The following PTPRD variants were observed in gnomAD, a reference collection of about 807,000 sequenced individuals.
PTPRD encodes protein tyrosine phosphatase receptor type D, also known as receptor-type tyrosine-protein phosphatase delta.
In PTPRD, 34 loss-of-function variants were observed where a neutral mutation model predicts 214.5. That is an observed-to-expected ratio of 0.16 (90% CI 0.12 to 0.21). PTPRD has a LOEUF of 0.21. Ranked by LOEUF, PTPRD falls within the 10% of genes least tolerant of loss-of-function variation. The pLI, the probability that PTPRD is intolerant of heterozygous loss-of-function variation, is 1.00. For missense variants in PTPRD, 2,545 were observed against 2,398.7 expected (o/e 1.06, Z -1.27); for synonymous variants, 1,128 against 845.7 (o/e 1.33, Z -5.79).
At chr9:9,654,120 C>T (rs992430144) in intron 7 of PTPRD, among the ~76,000 whole-genome samples, 6 of 152,068 alleles carry the variant, frequency 3.9e-5, no homozygotes, top group African/African-American at 1.4e-4. Flanking sequence ...CAAAGGAGTA[C>T]ACTTTTATCC....
chr9:9,625,605 C>T (rs552907758), intron 7 of PTPRD, among the ~76,000 whole-genome samples: 50 of 150,126 alleles, frequency 3.3e-4, no homozygotes, highest in Non-Finnish European at 5.3e-4. Flanking sequence ...AAAATAAAAA[C>T]CAAACCAAAT....
chr9:8,424,317 A>G (rs1392262875), intron 35 of PTPRD, among the ~76,000 whole-genome samples: 1 of 152,280 alleles, frequency 6.6e-6, no homozygotes, highest in African/African-American at 2.4e-5. Context: ...TATAGTGGTC[A>G]GAACATTACC....
At chr9:9,082,325 T>A (rs1429113437) in intron 10 of PTPRD, among the ~76,000 whole-genome samples, 1 of 151,992 alleles carries the variant, frequency 6.6e-6, no homozygotes, top group African/African-American at 2.4e-5. Context: ...ATAGACATAA[T>A]CCATCACAAA....
chr9:9,366,169 A>G (rs2057833140), intron 9 of PTPRD, among the ~76,000 whole-genome samples: 1 of 151,472 alleles, frequency 6.6e-6, no homozygotes, highest in Non-Finnish European at 1.5e-5. Flanking sequence ...CAACTGACCA[A>G]TTTTATTAAC....
intron 12 of PTPRD, among the ~76,000 whole-genome samples, chr9:8,641,829 G>C (rs961235884): frequency 2.0e-5 from 3 of 152,180 alleles, no homozygotes; most frequent in Non-Finnish European, 4.4e-5. Context: ...CAGTATCTTT[G>C]AACCTAATGG....
At chr9:10,549,334 C>A (rs1403311723) in intron 2 of PTPRD, among the ~76,000 whole-genome samples, 1 of 152,016 alleles carries the variant, frequency 6.6e-6, no homozygotes, top group Non-Finnish European at 1.5e-5. Context: ...TCTAGAGTTT[C>A]AGGAGTTGAT....
At chr9:10,230,513 A>G (rs2099605815) in intron 3 of PTPRD, among the ~76,000 whole-genome samples, 1 of 151,024 alleles carries the variant, frequency 6.6e-6, no homozygotes, top group Non-Finnish European at 1.5e-5. Context: ...CTATGTATCT[A>G]TCTATCAAGC....
At chr9:9,418,159 G>C (rs1039555382) in intron 8 of PTPRD, among the ~76,000 whole-genome samples, 1 of 152,006 alleles carries the variant, frequency 6.6e-6, no homozygotes, top group African/African-American at 2.4e-5. Flanking sequence ...CTTTAGAACA[G>C]AACAACTTTC....
At position 8,822,474 on chromosome 9, in the gene PTPRD, G is replaced by A. The variant is rs1304205315; in HGVS notation, c.-103-88528C>T. Among the ~76,000 whole-genome samples, 8 of 152,194 alleles carry A rather than the reference G, an allele frequency of 5.3e-5. No homozygotes were observed. The South Asian group carries it at 1.7e-3, about 31-fold the overall frequency. On this transcript the variant is annotated intron_variant, in intron 11 of 45. Coordinates refer to ENST00000381196, the MANE Select transcript of PTPRD (RefSeq NM_002839.4). Reference sequence around the variant, plus strand: ...ACTACAATTTGGAAATTCTCCCAGAGAGAGTAGAACTGTTACATTTATACC... The same window carrying A: ...ACTACAATTTGGAAATTCTCCCAGAAAGAGTAGAACTGTTACATTTATACC...
intron 7 of PTPRD, among the ~76,000 whole-genome samples, chr9:9,676,554 C>A (rs2096934617): frequency 6.6e-6 from 1 of 151,992 alleles, no homozygotes; most frequent in Non-Finnish European, 1.5e-5. Context: ...GGTTCCAAGT[C>A]TTTGTTATTG....
chr9:10,401,324 T>G (rs2098266238), intron 2 of PTPRD, among the ~76,000 whole-genome samples: 1 of 151,484 alleles, frequency 6.6e-6, no homozygotes, highest in South Asian at 2.1e-4. Context: ...CTGAAGTAAT[T>G]TACTTGAAGT....
chr9:9,786,908 G>A (rs1164305268), intron 5 of PTPRD, among the ~76,000 whole-genome samples: 1 of 152,076 alleles, frequency 6.6e-6, no homozygotes, highest in African/African-American at 2.4e-5. Flanking sequence ...ACTTTGGGAG[G>A]CCGAGGCAGG....
chr9:9,807,657 G>A (rs562444363), intron 5 of PTPRD, among the ~76,000 whole-genome samples: 14 of 152,146 alleles, frequency 9.2e-5, no homozygotes, highest in Admixed American at 2.6e-4. Context: ...TATTCACTTC[G>A]GAAACAAAAG....
intron 14 of PTPRD, among the ~76,000 whole-genome samples, chr9:8,590,405 T>C (rs1394760637): frequency 6.6e-6 from 1 of 152,168 alleles, no homozygotes. Context: ...AAAATTCAAG[T>C]GTGCAGAAGA....
At chr9:9,069,136 A>G (rs1186279486) in intron 10 of PTPRD, among the ~76,000 whole-genome samples, 1 of 152,222 alleles carries the variant, frequency 6.6e-6, no homozygotes, top group African/African-American at 2.4e-5. Context: ...CTATACTTAA[A>G]GGTTTCTCAA....
intron 5 of PTPRD, among the ~76,000 whole-genome samples, chr9:9,852,376 G>A (rs1222333416): frequency 1.3e-5 from 2 of 151,864 alleles, no homozygotes; most frequent in Non-Finnish European, 2.9e-5. Context: ...AAGCTACCCA[G>A]ACATAAAAGA....
At chr9:8,751,668 C>T (rs944684976) in intron 11 of PTPRD, among the ~76,000 whole-genome samples, 9 of 152,176 alleles carry the variant, frequency 5.9e-5, no homozygotes, top group Non-Finnish European at 1.0e-4. Flanking sequence ...TTATCTTTTA[C>T]ATTTCATCCC....
chr9:9,213,093 C>T (rs1317368277), intron 9 of PTPRD, among the ~76,000 whole-genome samples: 3 of 152,100 alleles, frequency 2.0e-5, no homozygotes, highest in Non-Finnish European at 4.4e-5. Flanking sequence ...CACATCAAAT[C>T]CCAAAATAGG....
chr9:10,000,471 C>T (rs1449913234), intron 4 of PTPRD, among the ~76,000 whole-genome samples: 1 of 152,122 alleles, frequency 6.6e-6, no homozygotes, highest in Non-Finnish European at 1.5e-5. Flanking sequence ...GGAGAAGACC[C>T]AACTGCTGTT....
Sources: allele counts gnomAD v4.1 joint callset (sites outside exome capture counted in the v4.1 genomes callset), GRCh38; gene constraint gnomAD v4.1.1; transcripts MANE v1.5; gene names NCBI Gene and HGNC (gene_info 2026-07-23, HGNC 2026-07-21).